The following DST variants were observed in gnomAD, a reference collection of about 807,000 sequenced individuals.
DST encodes dystonin, also known as bullous pemphigoid antigen.
A neutral mutation model predicts 875.2 loss-of-function variants in DST; 253 were observed. That is an observed-to-expected ratio of 0.29 (90% CI 0.26 to 0.32). The LOEUF (loss-of-function observed/expected upper bound fraction) is 0.32. DST is among the 10% of genes least tolerant of loss of function. The pLI, the probability that DST is intolerant of heterozygous loss-of-function variation, is 1.00. For synonymous variants in DST, 3,124 were observed against 3,197.1 expected, an observed-to-expected ratio of 0.98 and a Z score of 0.77; for missense variants, 8,287 against 9,111.6, an observed-to-expected ratio of 0.91 and a Z score of 3.68.
rs200126053 is a variant in DST at position 56,764,099 on chromosome 6, A to ACG, written c.626-28811_626-28810insCG. On this transcript the variant is annotated intron_variant, in intron 4 of 103. Transcript: ENST00000680361. Reference sequence around the variant, plus strand: ...AAACCTTTTCCCAAAGTGCACATGCACACACACACACACACACACACACAC... The same window carrying ACG: ...AAACCTTTTCCCAAAGTGCACATGCACGCACACACACACACACACACACACAC... 9.2e-3 allele frequency among the ~76,000 whole-genome samples: 1,294 copies of ACG among 140,588 alleles called. 16 individuals carry two copies. The highest frequency in any genetic ancestry group is 0.032 in the African/African-American group (1,192 of 37,164). 92.2% of individuals were successfully genotyped at this position (140,588 alleles called of 152,430 possible).
intron 98 of DST, among the ~76,000 whole-genome samples, chr6:56,468,393 A>G (rs557728537): frequency 6.6e-6 from 1 of 152,326 alleles, no homozygotes; most frequent in Non-Finnish European, 1.5e-5. Flanking sequence ...AACTTTCCTC[A>G]AAAGGAATAT....
At chr6:56,690,476 C>T (rs935970063) in intron 9 of DST, among the ~76,000 whole-genome samples, 7 of 152,078 alleles carry the variant, frequency 4.6e-5, no homozygotes, top group Admixed American at 3.3e-4. Flanking sequence ...GTCATTGCAA[C>T]GACTCAAAAG....
intron 36 of DST, chr6:56,620,413 C>T (rs1241503090): frequency 6.2e-7 from 1 of 1,614,062 alleles, no homozygotes; most frequent in African/African-American, 1.3e-5. Flanking sequence ...CAGCGGCTTC[C>T]TTCTCTCTCA....
At chr6:56,587,313 G>A (rs1278074278) in intron 49 of DST, among the ~76,000 whole-genome samples, 7 of 152,198 alleles carry the variant, frequency 4.6e-5, no homozygotes, top group African/African-American at 1.7e-4. Context: ...GGGTATCAGC[G>A]ATGGAAGATG....
chr6:56,720,893 C>T (rs1411220492), intron 5 of DST, among the ~76,000 whole-genome samples: 6 of 147,674 alleles, frequency 4.1e-5, no homozygotes, highest in Admixed American at 2.0e-4. Flanking sequence ...GGGTGGCGGC[C>T]GGGCAGAGGG....
chr6:56,530,449 G>A lies in DST; in HGVS notation c.17109-316C>T, dbSNP rs567553830. On this transcript the variant is annotated intron_variant, in intron 64 of 103. Transcript: ENST00000680361. ...TAATAATAACAGCAGTAATAGTAAC[G>A]ACAACAGGTAAAATTTATTGAACAC... is the stretch of plus-strand genomic sequence containing the variant. 4.6e-5 allele frequency among the ~76,000 whole-genome samples: 7 copies of A among 152,200 alleles called. No individual in the cohort carries two copies. In the South Asian group the frequency reaches 1.0e-3, roughly 23 times the overall value.
At chr6:56,637,463 T>C (rs2098836831) in intron 22 of DST, among the ~76,000 whole-genome samples, 1 of 152,206 alleles carries the variant, frequency 6.6e-6, no homozygotes, top group Admixed American at 6.5e-5. Flanking sequence ...TGCTAGATCA[T>C]AAAATATACC....
chr6:56,549,131 G>A (rs943527873), intron 61 of DST, among the ~76,000 whole-genome samples: 2 of 152,062 alleles, frequency 1.3e-5, no homozygotes, highest in African/African-American at 2.4e-5. Flanking sequence ...CCTCTATTAC[G>A]GGTCCAGTGA....
chr6:56,572,598 T>G, intron 52 of DST, 149 bp downstream of exon 52: 1 of 595,750 alleles, frequency 1.7e-6, no homozygotes. Context: ...AAGATAAGGT[T>G]TGAAATTCTT....
At chr6:56,517,460 A>C in intron 70 of DST, 41 bp downstream of exon 70, 1 of 1,605,166 alleles carries the variant, frequency 6.2e-7, no homozygotes, top group Non-Finnish European at 8.5e-7. Flanking sequence ...GGAGCACACC[A>C]GCAAATAATT....
intron 4 of DST, chr6:56,742,380 C>T (rs374864564): frequency 1.6e-5 from 20 of 1,287,200 alleles, no homozygotes; most frequent in Non-Finnish European, 2.0e-5. Context: ...AAACTCTCTC[C>T]GTACAAACTC....
Position 56,693,521 on chromosome 6 carries a change from A to G in DST, c.1047+6132T>C, listed in dbSNP as rs554023870. On this transcript the variant is annotated intron_variant, in intron 9 of 103. Coordinates refer to ENST00000680361, the MANE Select transcript of DST (RefSeq NM_001374736.1). ...CTTCGGTTTTCTGAAATGCAGATAC[A>G]CTAATGAAGTTTGCACTTAACCTTT... 4.0e-4 allele frequency: 198 copies of G among 489,878 alleles called. 1 individual carries two copies. The highest frequency in any genetic ancestry group is 3.8e-3 in the African/African-American group (182 of 47,724). 30.3% of individuals were successfully genotyped at this position (489,878 alleles called of 1,614,324 possible).
chr6:56,808,382 G>C (rs1435260488), intron 4 of DST, among the ~76,000 whole-genome samples: 1 of 152,038 alleles, frequency 6.6e-6, no homozygotes, highest in Admixed American at 6.6e-5. Flanking sequence ...AAAGCGTTGA[G>C]AGACATGAAA....
At position 56,597,807 on chromosome 6, in the gene DST, T is replaced by C. The variant is rs2098405939; in HGVS notation, c.12128A>G (p.Glu4043Gly). 1 of 1,613,970 alleles carries C rather than the reference T, an allele frequency of 6.2e-7. No homozygotes were observed. The highest frequency in any genetic ancestry group is 1.7e-5 in the Admixed American group (1 of 60,020). ...EEDEVNGNLL[E>G]TDVDGQVGTT... ...TCCAACTTGCCCATCAACATCAGTC[T>C]CCAACAGGTTACCATTAACTTCATC... The change falls in exon 47 of 104, where the codon GAG (glutamate) becomes GGG (glycine). Residue 4043 changes from glutamate to glycine, a missense_variant. Glu to Gly is a moderately conservative substitution (Grantham distance 98). This residue lies in a region of DST where 1,513 missense variants were observed against 1,677.8 expected (regional missense o/e 0.90). Coordinates refer to ENST00000680361, the MANE Select transcript of DST (RefSeq NM_001374736.1).
At chr6:56,648,510 A>T in intron 13 of DST, 60 bp downstream of exon 13, 1 of 1,437,312 alleles carries the variant, frequency 7.0e-7, no homozygotes, top group Non-Finnish European at 9.2e-7. Flanking sequence ...GAATTATTAT[A>T]GCATTACTTA....
rs2096799844 is a variant in DST at position 56,526,550 on chromosome 6, A to G, written c.17940T>C (p.Ala5980=). The G allele has an allele frequency of 1.9e-6, 3 of 1,613,266 alleles. No homozygotes were observed. The highest frequency in any genetic ancestry group is 1.3e-5 in the African/African-American group (1 of 74,832). The stretch of plus-strand genomic sequence containing the variant: ...AGTCCAGTAAGGCTTTGTTGTTCTT[A>G]GCTTCCTTTTTCAGTTCCTGAAAAC... ...QMRPKELKKE[A]KNNKALLDSL... The change falls in exon 69 of 104, where the codon GCT becomes GCC. Residue 5980 remains alanine, a synonymous_variant. Coordinates refer to ENST00000680361, the MANE Select transcript of DST (RefSeq NM_001374736.1).
At chr6:56,739,640 TA>T (rs1331692539) in intron 4 of DST, among the ~76,000 whole-genome samples, 1 of 152,090 alleles carries the variant, frequency 6.6e-6, no homozygotes, top group Non-Finnish European at 1.5e-5. Context: ...ATACAGGTCA[TA>T]AAGACCTTGC....
chr6:56,920,727 CTTT>C (rs1201574608), intron 2 of DST, among the ~76,000 whole-genome samples: 3 of 124,184 alleles, frequency 2.4e-5, no homozygotes, highest in Non-Finnish European at 5.0e-5. Flanking sequence ...TTCTTTCTTC[CTTT>C]TTTTTTTTTT....
At chr6:56,506,168 A>C (rs2096305516) in intron 77 of DST, among the ~76,000 whole-genome samples, 1 of 152,066 alleles carries the variant, frequency 6.6e-6, no homozygotes, top group East Asian at 1.9e-4. Flanking sequence ...ACTTTCACTT[A>C]AAAAAAATCA....
Sources: allele counts gnomAD v4.1 joint callset (sites outside exome capture counted in the v4.1 genomes callset), GRCh38; gene constraint gnomAD v4.1.1; regional missense constraint gnomAD v4.1.1; transcripts MANE v1.5; gene names NCBI Gene and HGNC (gene_info 2026-07-23, HGNC 2026-07-21).